The following CRADD variants were observed in gnomAD, a reference collection of about 807,000 sequenced individuals.
CRADD encodes the protein death domain-containing protein CRADD.
In CRADD, 9 loss-of-function variants were observed where a neutral mutation model predicts 15.5. The ratio of observed to expected loss-of-function variants is 0.58; its 90% CI spans 0.35 to 1.01. CRADD has a LOEUF of 1.01. Among genes scored for constraint, CRADD ranks in the 50% least tolerant of loss-of-function variants. CRADD has a pLI of 0.02. For synonymous variants in CRADD, 118 were observed against 107.6 expected (o/e 1.10, Z -0.60); for missense variants, 227 against 250.3 (o/e 0.91, Z 0.63).
intron 2 of CRADD, among the ~76,000 whole-genome samples, chr12:93,746,687 C>G (rs2363080): frequency 0.35 from 53,793 of 151,904 alleles, 10,980 homozygotes; most frequent in East Asian, 0.64. Context: ...TTCAGACTTG[C>G]GATGAACCCA....
At chr12:93,731,354 G>C (rs1956461109) in intron 2 of CRADD, among the ~76,000 whole-genome samples, 1 of 152,218 alleles carries the variant, frequency 6.6e-6, no homozygotes, top group Non-Finnish European at 1.5e-5. Context: ...TGTTCATCCA[G>C]ATCTGTATAT....
chr12:93,826,186 G>A (rs1343433829), intron 2 of CRADD, among the ~76,000 whole-genome samples: 1 of 152,222 alleles, frequency 6.6e-6, no homozygotes, highest in African/African-American at 2.4e-5. Context: ...CCAAGGCTGA[G>A]AGAGCAGCCA....
At chr12:93,701,659 T>A (rs1303813788) in intron 2 of CRADD, among the ~76,000 whole-genome samples, 1 of 152,204 alleles carries the variant, frequency 6.6e-6, no homozygotes, top group Non-Finnish European at 1.5e-5. Context: ...CTTTGAAGAT[T>A]CCAAATTCCT....
intron 2 of CRADD, among the ~76,000 whole-genome samples, chr12:93,845,210 G>A (rs1197287369): frequency 6.6e-6 from 1 of 152,182 alleles, no homozygotes; most frequent in Non-Finnish European, 1.5e-5. Flanking sequence ...TGGCAGAAGT[G>A]TTCATGGAAA....
intron 2 of CRADD, among the ~76,000 whole-genome samples, chr12:93,814,068 G>A (rs1181789888): frequency 6.6e-6 from 1 of 152,186 alleles, no homozygotes; most frequent in Admixed American, 6.5e-5. Flanking sequence ...GTGGCCATGA[G>A]AGGTTTCTCA....
At chr12:93,684,756 G>A (rs1292905292) in intron 2 of CRADD, among the ~76,000 whole-genome samples, 1 of 152,202 alleles carries the variant, frequency 6.6e-6, no homozygotes, top group Non-Finnish European at 1.5e-5. Context: ...GGGACACTGA[G>A]CAGAGAACTG....
chr12:93,782,240 G>C, intron 2 of CRADD, among the ~76,000 whole-genome samples: 1 of 151,366 alleles, frequency 6.6e-6, no homozygotes, highest in Non-Finnish European at 1.5e-5. Flanking sequence ...ACTATCGCAA[G>C]GACAAAAAAC....
intron 2 of CRADD, among the ~76,000 whole-genome samples, chr12:93,764,343 T>G (rs979079064): frequency 2.6e-5 from 4 of 151,912 alleles, no homozygotes; most frequent in African/African-American, 9.7e-5. Context: ...GGGGGAGAAT[T>G]CTAGAAATGT....
At chr12:93,862,609 T>C (rs981042572) in intron 2 of CRADD, among the ~76,000 whole-genome samples, 45 of 152,108 alleles carry the variant, frequency 3.0e-4, no homozygotes, top group African/African-American at 1.1e-3. Flanking sequence ...TTAAGTAAGG[T>C]GGGGTGAGTC....
chr12:93,726,094 GTTTTTTTTTT>G (rs1165429350), intron 2 of CRADD, among the ~76,000 whole-genome samples: 2,671 of 96,088 alleles, frequency 0.028, 96 homozygotes, highest in African/African-American at 0.09. Context: ...AAATAGTTTA[GTTTTTTTTTT>G]TTTTTTTTTT....
intron 2 of CRADD, among the ~76,000 whole-genome samples, chr12:93,773,936 C>T (rs1394740032): frequency 2.0e-5 from 3 of 148,512 alleles, no homozygotes; most frequent in Non-Finnish European, 3.0e-5. Context: ...TGGGCTCAAT[C>T]GATCCTCCTT....
chr12:93,817,338 G>A (rs1957715045), intron 2 of CRADD, among the ~76,000 whole-genome samples: 8 of 152,310 alleles, frequency 5.3e-5, no homozygotes, highest in South Asian at 2.1e-4. Flanking sequence ...GTGGAGTCGG[G>A]TTCGGGACAG....
rs1317239947 is a variant in CRADD at position 93,824,103 on chromosome 12, A to G, written c.299-25867A>G. On this transcript the variant is annotated intron_variant, in intron 2 of 2. Transcript: ENST00000332896. The surrounding 1 kb of genome is among the most constrained non-coding windows in gnomAD (Gnocchi z 4.3). ...GGTGTGTGTTTTGTTTTTATTTGTA[A>G]TACCCTACTTTGATGTTTCCTGGAA... Among the ~76,000 whole-genome samples the G allele has an allele frequency of 1.3e-5, 2 of 152,106 alleles. No homozygotes were observed. The highest frequency in any genetic ancestry group is 2.9e-5 in the Non-Finnish European group (2 of 68,024).
chr12:93,752,986 C>G (rs1350903753), intron 2 of CRADD, among the ~76,000 whole-genome samples: 1 of 152,134 alleles, frequency 6.6e-6, no homozygotes, highest in Admixed American at 6.5e-5. Context: ...GAGACTGATC[C>G]ACTATCATGA....
chr12:93,804,347 TAGTC>T (rs1957511101), intron 2 of CRADD, among the ~76,000 whole-genome samples: 1 of 152,182 alleles, frequency 6.6e-6, no homozygotes, highest in South Asian at 2.1e-4. Context: ...TGCACACATT[TAGTC>T]AGTCACATGT....
intron 2 of CRADD, among the ~76,000 whole-genome samples, chr12:93,734,193 G>GTCCA (rs1210425515): frequency 3.3e-5 from 5 of 151,602 alleles, no homozygotes; most frequent in Admixed American, 3.3e-4. Context: ...CCATCCATCC[G>GTCCA]TCCATCCATC....
At chr12:93,728,846 C>T (rs1440456105) in intron 2 of CRADD, among the ~76,000 whole-genome samples, 2 of 152,034 alleles carry the variant, frequency 1.3e-5, no homozygotes. Flanking sequence ...AAGGGTTTAG[C>T]ATTTGAAAAT....
chr12:93,726,185 C>T (rs1956364305), intron 2 of CRADD, among the ~76,000 whole-genome samples: 1 of 142,308 alleles, frequency 7.0e-6, no homozygotes, highest in African/African-American at 2.6e-5. Context: ...CTTTCTGCAA[C>T]CTTCGCCTCC....
rs541515486 is a variant in CRADD at position 93,806,651 on chromosome 12, A to G, written c.299-43319A>G. On this transcript the variant is annotated intron_variant, in intron 2 of 2. Coordinates refer to ENST00000332896, the MANE Select transcript of CRADD (RefSeq NM_003805.5). ...AAGAATGTTTTAAAAACTGTGTACC[A>G]TCTCACTGTTTAAATCTGACATCTA... Among the ~76,000 whole-genome samples the G allele has an allele frequency of 2.0e-5, 3 of 152,146 alleles. No individual in the cohort carries two copies. The South Asian group carries it at 6.2e-4, about 32-fold the overall frequency.
Sources: gnomAD v4.1 joint callset for allele counts (sites outside exome capture counted in the v4.1 genomes callset) on GRCh38, gnomAD v4.1.1 for gene constraint, Gnocchi (gnomAD v3.1) non-coding constraint, MANE v1.5 for transcripts, NCBI Gene and HGNC (gene_info 2026-07-23, HGNC 2026-07-21) for gene names.